Variants in NKAIN2 observed in about 807,000 individuals in gnomAD.
The protein encoded by NKAIN2 is sodium/potassium-transporting ATPase subunit beta-1-interacting protein 2.
A neutral mutation model predicts 32.6 loss-of-function variants in NKAIN2; 14 were observed. The observed-to-expected ratio is 0.43, with a 90% CI of 0.28 to 0.67. NKAIN2 has a LOEUF of 0.67. Ranked by LOEUF, NKAIN2 falls within the 30% of genes least tolerant of loss-of-function variation. NKAIN2 has a pLI of 0.17. For synonymous variants in NKAIN2, 80 were observed against 87.2 expected (o/e 0.92, Z 0.46); for missense variants, 198 against 258.3 (o/e 0.77, Z 1.60).
intron 3 of NKAIN2, among the ~76,000 whole-genome samples, chr6:124,531,455 T>C (rs1779522153): frequency 6.6e-6 from 1 of 152,202 alleles, no homozygotes; most frequent in Non-Finnish European, 1.5e-5. Flanking sequence ...TGGTAATGTT[T>C]TGTTGAGATT....
chr6:124,506,557 C>T (rs1214400031), intron 3 of NKAIN2, among the ~76,000 whole-genome samples: 1 of 152,158 alleles, frequency 6.6e-6, no homozygotes, highest in Non-Finnish European at 1.5e-5. Context: ...TAGAATTTAA[C>T]TCAGTGATGG....
chr6:124,270,841 T>C (rs1425991310), intron 1 of NKAIN2, among the ~76,000 whole-genome samples: 1 of 152,216 alleles, frequency 6.6e-6, no homozygotes, highest in Admixed American at 6.5e-5. Context: ...TTGGAACATA[T>C]AGATCCATGG....
In NKAIN2 at chr6:124,172,424, C is replaced by T. The variant is rs568463409; in HGVS notation, c.55-110581C>T. Among the ~76,000 whole-genome samples the T allele has an allele frequency of 5.9e-5, 9 of 152,118 alleles. No individual in the cohort carries two copies. The South Asian group carries it at 1.0e-3, about 18-fold the overall frequency. On this transcript the variant is annotated intron_variant, in intron 1 of 6. Transcript: ENST00000368417. Reference sequence around the variant, plus strand: ...CTGCTGTTTGGTGGGAGTTCTCCTACGTAAGTTTCATTTTATTATGGAGTG... The same window carrying T: ...CTGCTGTTTGGTGGGAGTTCTCCTATGTAAGTTTCATTTTATTATGGAGTG...
intron 1 of NKAIN2, among the ~76,000 whole-genome samples, chr6:124,275,745 A>T (rs1008523141): frequency 1.3e-5 from 2 of 152,166 alleles, no homozygotes; most frequent in Non-Finnish European, 2.9e-5. Context: ...AACATCTCTA[A>T]CTGAAATAGT....
chr6:124,541,348 C>G (rs755207327), intron 3 of NKAIN2, among the ~76,000 whole-genome samples: 8 of 152,264 alleles, frequency 5.3e-5, no homozygotes, highest in Middle Eastern at 3.4e-3. Context: ...CAGCTAACTT[C>G]TCTAAACTCC....
chr6:124,190,310 G>A (rs1486263751), intron 1 of NKAIN2, among the ~76,000 whole-genome samples: 1 of 152,222 alleles, frequency 6.6e-6, no homozygotes, highest in African/African-American at 2.4e-5. Flanking sequence ...ATAAAGCACA[G>A]TGCAAATGTT....
At chr6:124,296,748 T>G (rs570159689) in intron 2 of NKAIN2, among the ~76,000 whole-genome samples, 25 of 152,314 alleles carry the variant, frequency 1.6e-4, no homozygotes, top group Non-Finnish European at 3.4e-4. Flanking sequence ...ATTTCAAATT[T>G]TCCCAGAGAT....
intron 3 of NKAIN2, among the ~76,000 whole-genome samples, chr6:124,425,682 G>A (rs1162260555): frequency 6.6e-6 from 1 of 152,004 alleles, no homozygotes; most frequent in Admixed American, 6.6e-5. Context: ...ACCTACCAAT[G>A]GTCAATAGGT....
At chr6:124,413,122 C>T (rs936367708) in intron 3 of NKAIN2, among the ~76,000 whole-genome samples, 6 of 152,108 alleles carry the variant, frequency 3.9e-5, no homozygotes, top group African/African-American at 4.8e-5. Context: ...TTGCACTTCC[C>T]GGGTGAGGTG....
Position 124,372,070 on chromosome 6 carries a change from T to A in NKAIN2, c.273+16723T>A, listed in dbSNP as rs527339495. On this transcript the variant is annotated intron_variant, in intron 3 of 6. Coordinates refer to ENST00000368417, the MANE Select transcript of NKAIN2 (RefSeq NM_001040214.3). The stretch of plus-strand genomic sequence containing the variant: ...TGAGAAAGGAAGGGAGTAAAACAAT[T>A]ACATATTTAAAAATAAGGAGAAACT... 2.6e-5 allele frequency among the ~76,000 whole-genome samples: 4 copies of A among 152,210 alleles called. No individual in the cohort carries two copies. In the East Asian group the frequency reaches 7.7e-4, roughly 29 times the overall value.
At chr6:124,235,511 T>C (rs995042868) in intron 1 of NKAIN2, among the ~76,000 whole-genome samples, 6 of 152,154 alleles carry the variant, frequency 3.9e-5, no homozygotes, top group Non-Finnish European at 8.8e-5. Flanking sequence ...GAGCTGCAGC[T>C]TTAAATTTTG....
chr6:124,703,968 G>A (rs2114577328), intron 4 of NKAIN2, among the ~76,000 whole-genome samples: 1 of 151,942 alleles, frequency 6.6e-6, no homozygotes, highest in South Asian at 2.1e-4. Context: ...AATAAAAATA[G>A]AAATAAAGAA....
chr6:123,892,104 G>T (rs1294033252), intron 1 of NKAIN2, among the ~76,000 whole-genome samples: 2 of 152,054 alleles, frequency 1.3e-5, no homozygotes, highest in African/African-American at 4.8e-5. Flanking sequence ...AAAATGGGGA[G>T]GTCCTCCCCA....
At chr6:124,121,366 T>C (rs1286026462) in intron 1 of NKAIN2, among the ~76,000 whole-genome samples, 19 of 152,048 alleles carry the variant, frequency 1.2e-4, no homozygotes, top group Non-Finnish European at 7.4e-5. Flanking sequence ...TCACCACCCA[T>C]AATTGATGAT....
intron 1 of NKAIN2, among the ~76,000 whole-genome samples, chr6:124,043,954 T>C (rs991177854): frequency 6.6e-6 from 1 of 152,094 alleles, no homozygotes; most frequent in Non-Finnish European, 1.5e-5. Flanking sequence ...AGGTAGGAAC[T>C]ATGTATTAGT....
At chr6:124,414,635 G>T (rs558604507) in intron 3 of NKAIN2, among the ~76,000 whole-genome samples, 230 of 152,210 alleles carry the variant, frequency 1.5e-3, no homozygotes, top group African/African-American at 3.9e-3. Flanking sequence ...TGGACTTGGA[G>T]TTTATTTTTG....
intron 3 of NKAIN2, among the ~76,000 whole-genome samples, chr6:124,404,887 T>C (rs963303913): frequency 6.6e-6 from 1 of 152,146 alleles, no homozygotes; most frequent in Non-Finnish European, 1.5e-5. Context: ...ATACAGAAAT[T>C]ATTAATATCA....
intron 4 of NKAIN2, among the ~76,000 whole-genome samples, chr6:124,759,163 C>T (rs1720497674): frequency 6.6e-6 from 1 of 152,112 alleles, no homozygotes; most frequent in African/African-American, 2.4e-5. Context: ...CTGCAGCCAC[C>T]AGAACAGGGC....
At chr6:124,246,691 CT>C (rs1793421234) in intron 1 of NKAIN2, among the ~76,000 whole-genome samples, 1 of 151,940 alleles carries the variant, frequency 6.6e-6, no homozygotes, top group Non-Finnish European at 1.5e-5. Flanking sequence ...GGGAGATGGA[CT>C]TTTGAAAAGT....
Sources: allele counts gnomAD v4.1 joint callset (sites outside exome capture counted in the v4.1 genomes callset), GRCh38; gene constraint gnomAD v4.1.1; transcripts MANE v1.5; gene names NCBI Gene and HGNC (gene_info 2026-07-23, HGNC 2026-07-21).